MSRA: variants seen among roughly 807,000 people sequenced by gnomAD.
MSRA encodes the protein mitochondrial peptide methionine sulfoxide reductase.
Under a neutral mutation model 31.3 loss-of-function variants are expected in MSRA, and 54 were observed. The ratio of observed to expected loss-of-function variants is 1.73; its 90% CI spans 1.39 to 2.17. The LOEUF (loss-of-function observed/expected upper bound fraction) is 2.17. Ranked by LOEUF, MSRA falls within the 30% of genes most tolerant of loss-of-function variation. The probability of loss-of-function intolerance (pLI) is 0.00; values close to 1 mark genes in which losing one functional copy is unlikely to be tolerated. For synonymous variants in MSRA, 169 were observed against 116.5 expected (o/e 1.45, Z -2.90); for missense variants, 507 against 300.9 (o/e 1.69, Z -5.07).
chr8:10,074,892 C>T (rs1797928383), intron 1 of MSRA, among the ~76,000 whole-genome samples: 1 of 152,108 alleles, frequency 6.6e-6, no homozygotes, highest in Non-Finnish European at 1.5e-5. Flanking sequence ...CTCCTGACCT[C>T]AAGTGATCTG....
At chr8:10,188,591 G>A (rs1379718959) in intron 1 of MSRA, among the ~76,000 whole-genome samples, 2 of 152,228 alleles carry the variant, frequency 1.3e-5, no homozygotes, top group Non-Finnish European at 2.9e-5. Flanking sequence ...TATAAGGTTT[G>A]ACGTAAGAGT....
At chr8:10,056,576 ATTG>A (rs1366417198) in intron 1 of MSRA, among the ~76,000 whole-genome samples, 1 of 129,088 alleles carries the variant, frequency 7.7e-6, no homozygotes, top group Non-Finnish European at 1.7e-5. Flanking sequence ...ATATGTCCTT[ATTG>A]TTCATCTATT....
At chr8:10,055,193 G>T (rs993423644) in intron 1 of MSRA, among the ~76,000 whole-genome samples, 31 of 152,038 alleles carry the variant, frequency 2.0e-4, no homozygotes, top group African/African-American at 7.5e-4. Flanking sequence ...GTCACCCCTC[G>T]TGCCCTAGGT....
chr8:10,213,465 G>T (rs531439209), intron 2 of MSRA, among the ~76,000 whole-genome samples: 2 of 116,038 alleles, frequency 1.7e-5, no homozygotes, highest in South Asian at 3.0e-4. Context: ...TTGAGACAGA[G>T]TCTTGCCCTC....
chr8:10,200,377 T>C (rs1224322180), intron 1 of MSRA, among the ~76,000 whole-genome samples: 1 of 152,218 alleles, frequency 6.6e-6, no homozygotes, highest in Non-Finnish European at 1.5e-5. Flanking sequence ...CTGGTCACCA[T>C]GGGGGAGAGC....
chr8:10,140,384 C>G (rs544530489), intron 1 of MSRA, among the ~76,000 whole-genome samples: 2 of 152,194 alleles, frequency 1.3e-5, no homozygotes, highest in African/African-American at 2.4e-5. Context: ...TTTCAGGTAG[C>G]ATGTCCTGAA....
chr8:10,406,274 T>C (rs1807813341), intron 5 of MSRA, among the ~76,000 whole-genome samples: 1 of 152,244 alleles, frequency 6.6e-6, no homozygotes, highest in South Asian at 2.1e-4. Context: ...CTGTGTGACC[T>C]TGGGCAAGTT....
At chr8:10,154,624 A>T (rs1343685730) in intron 1 of MSRA, among the ~76,000 whole-genome samples, 1 of 151,878 alleles carries the variant, frequency 6.6e-6, no homozygotes, top group African/African-American at 2.4e-5. Context: ...TGATCCACCC[A>T]CCTCGGCCTC....
rs1019991108 is a variant in MSRA, at chr8:10,306,206, C to G, written c.436+4568C>G. 2.6e-5 allele frequency among the ~76,000 whole-genome samples: 4 copies of G among 152,156 alleles called. No individual in the cohort carries two copies. The East Asian group carries it at 5.8e-4, about 22-fold the overall frequency. On this transcript the variant is annotated intron_variant, in intron 4 of 5. Transcript: ENST00000317173. ...CAACCACATGATTTTGGCCAGGACA[C>G]TTACCCAACCTGAACCTCCATTTTT... is the stretch of plus-strand genomic sequence containing the variant.
At chr8:10,254,894 G>T (rs142420466) in intron 3 of MSRA, among the ~76,000 whole-genome samples, 3 of 152,250 alleles carry the variant, frequency 2.0e-5, no homozygotes, top group Non-Finnish European at 4.4e-5. Flanking sequence ...CGTTTAGATG[G>T]ATGTGATCTA....
At chr8:10,067,550 A>G (rs2128916131) in intron 1 of MSRA, among the ~76,000 whole-genome samples, 1 of 152,326 alleles carries the variant, frequency 6.6e-6, no homozygotes, top group South Asian at 2.1e-4. Flanking sequence ...GTAAATGCCC[A>G]AAAGTGTGAT....
Position 10,342,639 on chromosome 8 carries a change from G to T in MSRA, c.543+22650G>T, listed in dbSNP as rs569714456. On this transcript the variant is annotated intron_variant, in intron 5 of 5. Coordinates refer to ENST00000317173, the MANE Select transcript of MSRA (RefSeq NM_012331.5). ...TGTATCACTGAGCAGCACAGCTGGG[G>T]CAGGGTCTTAGGGAAGGCCTCCGAG... Among the ~76,000 whole-genome samples the T allele has an allele frequency of 1.4e-4, 21 of 152,332 alleles. No individual in the cohort carries two copies. The South Asian group carries it at 3.9e-3, about 29-fold the overall frequency.
At chr8:10,372,003 G>A (rs1585611424) in intron 5 of MSRA, among the ~76,000 whole-genome samples, 1 of 151,880 alleles carries the variant, frequency 6.6e-6, no homozygotes, top group East Asian at 1.9e-4. Context: ...ATAGATCAAA[G>A]AGCCCCAGGC....
chr8:10,399,957 G>C (rs1186940915), intron 5 of MSRA, among the ~76,000 whole-genome samples: 2 of 152,196 alleles, frequency 1.3e-5, no homozygotes, highest in African/African-American at 2.4e-5. Flanking sequence ...AATAAGATGA[G>C]GCATGGGAGT....
chr8:10,265,298 G>A (rs1798688611), intron 3 of MSRA, among the ~76,000 whole-genome samples: 1 of 152,178 alleles, frequency 6.6e-6, no homozygotes, highest in South Asian at 2.1e-4. Context: ...GTCAAAGGCT[G>A]ATCTTGGCTC....
intron 1 of MSRA, among the ~76,000 whole-genome samples, chr8:10,071,350 T>C (rs1797721717): frequency 6.6e-6 from 1 of 152,210 alleles, no homozygotes; most frequent in South Asian, 2.1e-4. Context: ...AATTGAATTA[T>C]TGCTTTACTC....
chr8:10,150,748 G>A (rs961068635), intron 1 of MSRA, among the ~76,000 whole-genome samples: 1 of 152,120 alleles, frequency 6.6e-6, no homozygotes, highest in African/African-American at 2.4e-5. Context: ...GTTCTTTCCC[G>A]TGTGTGACAA....
Position 10,124,372 on chromosome 8 carries a change from C to T in MSRA, c.142+69714C>T, listed in dbSNP as rs147179549. Among the ~76,000 whole-genome samples the T allele has an allele frequency of 9.9e-5, 15 of 152,246 alleles. No individual in the cohort carries two copies. In the East Asian group the frequency reaches 2.7e-3, roughly 27 times the overall value. On this transcript the variant is annotated intron_variant, in intron 1 of 5. Coordinates refer to ENST00000317173, the MANE Select transcript of MSRA (RefSeq NM_012331.5). ...AAGGAGAGGGGAATGGTGGTTTTCCCCTGTATGATTTCTTTGGGGCAAACC... is the reference window on the plus strand; with the variant it reads ...AAGGAGAGGGGAATGGTGGTTTTCCTCTGTATGATTTCTTTGGGGCAAACC...
At chr8:10,419,914 A>T (rs796915704) in intron 5 of MSRA, among the ~76,000 whole-genome samples, 1 of 152,124 alleles carries the variant, frequency 6.6e-6, no homozygotes, top group Non-Finnish European at 1.5e-5. Flanking sequence ...TTCTGCTGTC[A>T]CGTTCCTTTT....
Sources: allele counts gnomAD v4.1 joint callset (sites outside exome capture counted in the v4.1 genomes callset), GRCh38; gene constraint gnomAD v4.1.1; transcripts MANE v1.5; gene names NCBI Gene and HGNC (gene_info 2026-07-23, HGNC 2026-07-21).